The following APLF variants were observed in gnomAD, a reference collection of about 807,000 sequenced individuals.
The protein encoded by APLF is aprataxin and PNKP like factor.
A neutral mutation model predicts 55.6 loss-of-function variants in APLF; 61 were observed. That is an observed-to-expected ratio of 1.10 (90% CI 0.89 to 1.36). The LOEUF (loss-of-function observed/expected upper bound fraction) is 1.36. APLF is among the 40% of genes most tolerant of loss of function. The probability of loss-of-function intolerance (pLI) is 0.00; values close to 1 mark genes in which losing one functional copy is unlikely to be tolerated. For synonymous variants in APLF, 207 were observed against 214.8 expected (o/e 0.96, Z 0.32); for missense variants, 611 against 602.5 (o/e 1.01, Z -0.15).
At chr2:68,532,219 C>T (rs145351317) in intron 6 of APLF, among the ~76,000 whole-genome samples, 20 of 152,300 alleles carry the variant, frequency 1.3e-4, no homozygotes, top group African/African-American at 4.3e-4. Context: ...CTAGGTTCAC[C>T]TATCTATTCT....
In APLF at chr2:68,467,867, G is replaced by A. The variant is rs948908077; in HGVS notation, c.96+40G>A. The A allele has an allele frequency of 1.1e-5, 13 of 1,222,968 alleles. No individual in the cohort carries two copies. In the Admixed American group the frequency reaches 2.1e-4, roughly 20 times the overall value. The allele number at this position is 1,222,968 out of a possible 1,614,324, so 75.8% of individuals were successfully genotyped here. A position where few individuals can be genotyped will look rare whatever the true frequency, so the allele number is the denominator to read the frequency against. ...GGGCTTAGCGGACCCCGAGAGCCGT[G>A]GAGTTCCGCGCCGGCTCCTGAAGAC... On this transcript the variant is annotated intron_variant, in intron 1 of 9. Coordinates refer to ENST00000303795, the MANE Select transcript of APLF (RefSeq NM_173545.3).
intron 8 of APLF, among the ~76,000 whole-genome samples, chr2:68,549,526 T>C (rs1039424997): frequency 6.6e-6 from 1 of 152,272 alleles, no homozygotes; most frequent in African/African-American, 2.4e-5. Flanking sequence ...ACTTTGGAAA[T>C]TAAATCTTTG....
chr2:68,486,614 T>C (rs1302192843), intron 1 of APLF, among the ~76,000 whole-genome samples: 1 of 152,172 alleles, frequency 6.6e-6, no homozygotes, highest in Non-Finnish European at 1.5e-5. Context: ...CTGGCATTTC[T>C]CATCTCTCTT....
At chr2:68,527,869 G>C (rs1670119800) in intron 6 of APLF, among the ~76,000 whole-genome samples, 1 of 149,760 alleles carries the variant, frequency 6.7e-6, no homozygotes, top group African/African-American at 2.5e-5. Flanking sequence ...GGAGTAGCCG[G>C]GCAGAGGCGC....
chr2:68,570,983 C>T (rs892718630), intron 9 of APLF, among the ~76,000 whole-genome samples: 2 of 152,162 alleles, frequency 1.3e-5, no homozygotes, highest in African/African-American at 4.8e-5. Flanking sequence ...TTTATGATTG[C>T]CATTCTAACT....
Position 68,529,172 on chromosome 2 carries a change from C to T in APLF, c.804+2930C>T. 5 of 1,286,822 alleles carry T rather than the reference C, an allele frequency of 3.9e-6. No individual in the cohort carries two copies. The highest frequency in any genetic ancestry group is 5.0e-5 in the East Asian group (2 of 39,684). The allele number at this position is 1,286,822 out of a possible 1,614,324, so 79.7% of individuals were successfully genotyped here. A position where few individuals can be genotyped will look rare whatever the true frequency, so the allele number is the denominator to read the frequency against. ...CACGGGTTTCTTCCTTGAGGGGGGG[C>T]TCCAGACAACAGGAGGCAGGACCCT... is the stretch of plus-strand genomic sequence containing the variant. On this transcript the variant is annotated intron_variant, in intron 6 of 9. Coordinates refer to ENST00000303795, the MANE Select transcript of APLF (RefSeq NM_173545.3). This position sits in a 1 kb window ranked among gnomAD's most constrained non-coding sequence, Gnocchi z 4.4.
chr2:68,517,303 CTATATAATATATTAATATATGTCA>C (rs1218274353), intron 5 of APLF, among the ~76,000 whole-genome samples: 68 of 118,076 alleles, frequency 5.8e-4, no homozygotes, highest in African/African-American at 2.5e-3. Flanking sequence ...TATGTCATTA[CTATATAATATATTAATATATGTCA>C]TTACTATATA....
At chr2:68,517,539 A>G (rs1194285043) in intron 5 of APLF, among the ~76,000 whole-genome samples, 1 of 140,900 alleles carries the variant, frequency 7.1e-6, no homozygotes, top group Non-Finnish European at 1.5e-5. Flanking sequence ...TGTTATTAAC[A>G]TATGTCAATA....
chr2:68,517,003 A>G (rs1390180395), intron 5 of APLF, among the ~76,000 whole-genome samples: 1 of 124,238 alleles, frequency 8.0e-6, no homozygotes, highest in Non-Finnish European at 1.6e-5. Flanking sequence ...AATATATGTT[A>G]ATATATAATA....
rs1376117702 is a variant in APLF, at chr2:68,517,286, ATTAATATAT to A, written c.622+3607_622+3615del. On this transcript the variant is annotated intron_variant, in intron 5 of 9. Transcript: ENST00000303795. ...AATATATGTCATTACTATATAATAT[ATTAATATAT>A]GTCATTACTATATAATATATTAATA... 7.2e-3 allele frequency among the ~76,000 whole-genome samples: 889 copies of A among 123,200 alleles called. 26 individuals carry two copies. Among genetic ancestry groups the A allele is most frequent in the African/African-American group, 0.027 (845 of 31,018 alleles). The allele number at this position is 123,200 out of a possible 152,430, so 80.8% of individuals were successfully genotyped here. A position where few individuals can be genotyped will look rare whatever the true frequency, so the allele number is the denominator to read the frequency against.
At chr2:68,518,761 A>G (rs1669762789) in intron 5 of APLF, among the ~76,000 whole-genome samples, 1 of 117,032 alleles carries the variant, frequency 8.5e-6, no homozygotes, top group Non-Finnish European at 1.6e-5. Context: ...ATATAATAAA[A>G]TATTAATAAT....
Position 68,578,555 on chromosome 2 carries a change from A to G in APLF, c.*533A>G, listed in dbSNP as rs144301381. ...TCACTTACTACTTTTATCCTTCAAAACTTGGGAAGATTGGTTCCAAATGGG... is the reference window on the plus strand; with the variant it reads ...TCACTTACTACTTTTATCCTTCAAAGCTTGGGAAGATTGGTTCCAAATGGG... On this transcript the variant is annotated 3_prime_UTR_variant, in exon 10 of 10. Transcript: ENST00000303795. 1.0e-6 allele frequency: 1 copy of G among 985,630 alleles called. No homozygotes were observed. Among genetic ancestry groups the G allele is most frequent in the East Asian group, 1.1e-4 (1 of 8,818 alleles). The allele number at this position is 985,630 out of a possible 1,614,324, so 61.1% of individuals were successfully genotyped here.
At chr2:68,517,703 AAT>A (rs1255447049) in intron 5 of APLF, among the ~76,000 whole-genome samples, 11 of 145,366 alleles carry the variant, frequency 7.6e-5, no homozygotes, top group African/African-American at 2.7e-4. Context: ...ATGTAACAAT[AAT>A]ATATCACTAA....
At chr2:68,551,591 ATTC>A (rs59446184) in intron 8 of APLF, among the ~76,000 whole-genome samples, 8 of 136,180 alleles carry the variant, frequency 5.9e-5, no homozygotes, top group South Asian at 2.2e-4. Context: ...TGTTTATTTA[ATTC>A]TTCTTCTTCT....
chr2:68,517,526 AT>A (rs561307683), intron 5 of APLF, among the ~76,000 whole-genome samples: 32 of 141,822 alleles, frequency 2.3e-4, no homozygotes, highest in African/African-American at 7.9e-4. Flanking sequence ...ATATATCAAT[AT>A]ATGTTATTAA....
intron 1 of APLF, among the ~76,000 whole-genome samples, chr2:68,475,474 A>G (rs934272500): frequency 6.6e-6 from 1 of 152,196 alleles, no homozygotes; most frequent in Non-Finnish European, 1.5e-5. Context: ...CTGATAACCT[A>G]CCATTTACAC....
chr2:68,490,106 C>T (rs1217359851), intron 1 of APLF, 84 bp from the exon 2 acceptor site: 9 of 860,430 alleles, frequency 1.0e-5, no homozygotes, highest in African/African-American at 3.5e-5. Context: ...TCAGAAACAT[C>T]GCCAAGGGTT....
intron 6 of APLF, among the ~76,000 whole-genome samples, chr2:68,537,524 T>C (rs1037935889): frequency 6.6e-6 from 1 of 152,000 alleles, no homozygotes; most frequent in African/African-American, 2.4e-5. Context: ...CCCACCACCA[T>C]GCTCAACTAA....
chr2:68,567,432 G>T (rs761618133), intron 9 of APLF, 45 bp downstream of exon 9: 5 of 1,422,022 alleles, frequency 3.5e-6, no homozygotes, highest in South Asian at 2.6e-5. Context: ...ACCTTTAAAT[G>T]ATTTTCCTAT....
Sources: gnomAD v4.1 joint callset for allele counts (sites outside exome capture counted in the v4.1 genomes callset) on GRCh38, gnomAD v4.1.1 for gene constraint, Gnocchi (gnomAD v3.1) non-coding constraint, MANE v1.5 for transcripts, NCBI Gene and HGNC (gene_info 2026-07-23, HGNC 2026-07-21) for gene names.